Variants in RBFOX1 observed in about 807,000 individuals in gnomAD.
RBFOX1 encodes RNA binding fox-1 homolog 1.
Under a neutral mutation model 57.7 loss-of-function variants are expected in RBFOX1, and 8 were observed. The observed-to-expected ratio is 0.14, with a 90% CI of 0.08 to 0.25. The LOEUF (loss-of-function observed/expected upper bound fraction) is 0.25. Among genes scored for constraint, RBFOX1 ranks in the 10% least tolerant of loss-of-function variants. The probability of loss-of-function intolerance (pLI) is 1.00; values close to 1 mark genes in which losing one functional copy is unlikely to be tolerated. For missense variants in RBFOX1, 611 were observed against 548.5 expected, an observed-to-expected ratio of 1.11 and a Z score of -1.14; for synonymous variants, 326 against 222.4, an observed-to-expected ratio of 1.47 and a Z score of -4.15.
chr16:7,091,181 T>G (rs12709175), intron 4 of RBFOX1, among the ~76,000 whole-genome samples: 1 of 151,964 alleles, frequency 6.6e-6, no homozygotes, highest in African/African-American at 2.4e-5. Flanking sequence ...TTATTATTTT[T>G]ACTCACATTT....
At position 5,710,664 on chromosome 16, in the gene RBFOX1, G is replaced by T. The variant is rs79235808; in HGVS notation, c.318+111703G>T. 7.6e-3 allele frequency among the ~76,000 whole-genome samples: 1,151 copies of T among 152,326 alleles called. 20 individuals are homozygous for T. The highest frequency in any genetic ancestry group is 0.027 in the African/African-American group (1,111 of 41,562). ...AAGAATTGCGTGCAGTGGAGTGAGT[G>T]AAGGAATTTGGGGTTAACCATGCTG... On this transcript the variant is annotated intron_variant, in intron 3 of 19. Coordinates refer to the RBFOX1 transcript ENST00000641259.
At chr16:6,162,356 C>G (rs1212999163) in intron 1 of RBFOX1, among the ~76,000 whole-genome samples, 1 of 152,160 alleles carries the variant, frequency 6.6e-6, no homozygotes, top group African/African-American at 2.4e-5. Context: ...CTTATGTGAT[C>G]CACCTGCTTC....
intron 3 of RBFOX1, among the ~76,000 whole-genome samples, chr16:5,747,465 G>A (rs1309797135): frequency 6.6e-6 from 1 of 152,132 alleles, no homozygotes; most frequent in Non-Finnish European, 1.5e-5. Context: ...AATGGTACCA[G>A]CTCCTTCTTG....
chr16:7,208,905 C>G (rs77201964), intron 4 of RBFOX1, among the ~76,000 whole-genome samples: 1,646 of 152,158 alleles, frequency 0.011, 26 homozygotes, highest in African/African-American at 0.038. Flanking sequence ...CAAGAATTCA[C>G]TCACCCTCTA....
At chr16:6,086,857 A>G (rs767232880) in intron 1 of RBFOX1, among the ~76,000 whole-genome samples, 4 of 152,178 alleles carry the variant, frequency 2.6e-5, no homozygotes, top group African/African-American at 7.2e-5. Flanking sequence ...GAAAGAGACA[A>G]TGCATCATGT....
At chr16:7,041,423 A>G (rs1167348280) in intron 3 of RBFOX1, among the ~76,000 whole-genome samples, 2 of 152,090 alleles carry the variant, frequency 1.3e-5, no homozygotes, top group Admixed American at 6.5e-5. Flanking sequence ...ATGTAGATGA[A>G]CCACAATTCT....
At position 5,799,106 on chromosome 16, in the gene RBFOX1, C is replaced by T. The variant is rs368741812; in HGVS notation, c.319-68197C>T. ...GTTGCACATGGCTGGGGAGGCCTCACAATCATGGTGGCAGGTGAAAGGCAC... is the reference window on the plus strand; with the variant it reads ...GTTGCACATGGCTGGGGAGGCCTCATAATCATGGTGGCAGGTGAAAGGCAC... On this transcript the variant is annotated intron_variant, in intron 3 of 19. Coordinates refer to the RBFOX1 transcript ENST00000641259. Among the ~76,000 whole-genome samples the T allele has an allele frequency of 2.6e-5, 4 of 152,102 alleles. No individual in the cohort carries two copies. In the East Asian group the frequency reaches 5.8e-4, roughly 22 times the overall value.
At chr16:6,289,265 AAAGGTT>A (rs2077210699) in intron 1 of RBFOX1, among the ~76,000 whole-genome samples, 1 of 152,028 alleles carries the variant, frequency 6.6e-6, no homozygotes, top group South Asian at 2.1e-4. Context: ...TATAGGATGG[AAAGGTT>A]TGGAAGGGTG....
At chr16:5,485,155 G>A (rs4786692) in intron 2 of RBFOX1, among the ~76,000 whole-genome samples, 60,094 of 151,296 alleles carry the variant, frequency 0.4, 12,360 homozygotes, top group South Asian at 0.56. Flanking sequence ...GACCGTCCTG[G>A]CTAACATGGA....
intron 1 of RBFOX1, among the ~76,000 whole-genome samples, chr16:5,386,832 C>G (rs899335342): frequency 6.6e-6 from 1 of 152,160 alleles, no homozygotes; most frequent in Admixed American, 6.5e-5. Flanking sequence ...GGGCGGATCA[C>G]CTGAGGTCAG....
intron 1 of RBFOX1, among the ~76,000 whole-genome samples, chr16:5,382,825 C>T (rs911281180): frequency 1.3e-5 from 2 of 152,202 alleles, no homozygotes; most frequent in Non-Finnish European, 2.9e-5. Flanking sequence ...CTCTCTGAAT[C>T]TTCTAAACAT....
At chr16:6,950,494 A>C (rs2080495400) in intron 3 of RBFOX1, among the ~76,000 whole-genome samples, 1 of 152,174 alleles carries the variant, frequency 6.6e-6, no homozygotes, top group Admixed American at 6.5e-5. Flanking sequence ...TGATGACCTG[A>C]ATTGGATTGA....
At chr16:6,941,300 C>CCTTCCTTCCTTCCTTCCTTCCTTCCT (rs1567990534) in intron 3 of RBFOX1, among the ~76,000 whole-genome samples, 1 of 79,154 alleles carries the variant, frequency 1.3e-5, no homozygotes, top group African/African-American at 5.7e-5. Context: ...CCCTCCCTCC[C>CCTTCCTTCCTTCCTTCCTTCCTTCCT]TCCTTCCTTC....
At chr16:6,661,504 G>C (rs139193545) in intron 3 of RBFOX1, among the ~76,000 whole-genome samples, 3 of 152,314 alleles carry the variant, frequency 2.0e-5, no homozygotes, top group African/African-American at 7.2e-5. Context: ...TCAATCCTCT[G>C]TCCCCACAGA....
At chr16:6,388,113 G>A in intron 2 of RBFOX1, among the ~76,000 whole-genome samples, 1 of 151,088 alleles carries the variant, frequency 6.6e-6, no homozygotes, top group Non-Finnish European at 1.5e-5. Context: ...CCGAGTAGCT[G>A]GGACTACAGG....
rs540070996 is a variant in RBFOX1 at position 5,876,446 on chromosome 16, T to C, written c.351+9111T>C. Among the ~76,000 whole-genome samples the C allele has an allele frequency of 6.8e-4, 104 of 152,308 alleles. 1 individual carries two copies. The highest frequency in any genetic ancestry group is 6.8e-3 in the Middle Eastern group (2 of 294). On this transcript the variant is annotated intron_variant, in intron 4 of 19. Transcript: ENST00000641259. ...GAGGCTATCAGACCCCCAAACCAGC[T>C]GGGGTGCTTAGAAAGTGAAGTCAGG...
chr16:6,960,820 C>G (rs1223865279), intron 3 of RBFOX1, among the ~76,000 whole-genome samples: 4 of 151,768 alleles, frequency 2.6e-5, no homozygotes, highest in Non-Finnish European at 5.9e-5. Flanking sequence ...GGTACCTGAC[C>G]CAAACAAAGT....
chr16:7,480,663 A>AGAGCTGTG (rs2063716152), intron 4 of RBFOX1, among the ~76,000 whole-genome samples: 1 of 152,162 alleles, frequency 6.6e-6, no homozygotes, highest in Non-Finnish European at 1.5e-5. Context: ...TGCAGTGCTG[A>AGAGCTGTG]GAGCTGTGTA....
intron 3 of RBFOX1, chr16:6,774,001 C>T (rs1038948470): frequency 9.1e-6 from 9 of 985,168 alleles, no homozygotes; most frequent in Non-Finnish European, 9.6e-6. Context: ...GTAATTAGCT[C>T]CTCAGAGACC....
Sources: gnomAD v4.1 joint callset for allele counts (sites outside exome capture counted in the v4.1 genomes callset) on GRCh38, gnomAD v4.1.1 for gene constraint, MANE v1.5 for transcripts, NCBI Gene and HGNC (gene_info 2026-07-23, HGNC 2026-07-21) for gene names.